The following NRG1 variants were observed in gnomAD, a reference collection of about 807,000 sequenced individuals.
NRG1 encodes the protein neuregulin 1.
A neutral mutation model predicts 63.8 loss-of-function variants in NRG1; 18 were observed. That is an observed-to-expected ratio of 0.28 (90% CI 0.19 to 0.42). The LOEUF (loss-of-function observed/expected upper bound fraction) is 0.42, where lower values mean the gene tolerates loss of function less well. Among genes scored for constraint, NRG1 ranks in the 10% least tolerant of loss-of-function variants. The probability of loss-of-function intolerance (pLI) is 1.00; values close to 1 mark genes in which losing one functional copy is unlikely to be tolerated. For synonymous variants in NRG1, 302 were observed against 301.3 expected (o/e 1.00, Z -0.02); for missense variants, 762 against 814.7 (o/e 0.94, Z 0.79).
intron 1 of NRG1, among the ~76,000 whole-genome samples, chr8:32,221,897 A>C (rs2132490442): frequency 6.6e-6 from 1 of 152,202 alleles, no homozygotes; most frequent in East Asian, 1.9e-4. Flanking sequence ...TTATATTCAA[A>C]GGATTTTATT....
chr8:32,005,585 A>C (rs114763920), intron 1 of NRG1, among the ~76,000 whole-genome samples: 3,874 of 152,092 alleles, frequency 0.025, 165 homozygotes, highest in African/African-American at 0.088. Flanking sequence ...TGAAAAAAGC[A>C]ATTTTTCACA....
At chr8:31,708,602 C>A (rs906729325) in intron 1 of NRG1, among the ~76,000 whole-genome samples, 4 of 151,338 alleles carry the variant, frequency 2.6e-5, no homozygotes, top group Non-Finnish European at 5.9e-5. Flanking sequence ...CCCGCCACTA[C>A]GCCCGGCTAA....
intron 1 of NRG1, among the ~76,000 whole-genome samples, chr8:31,942,746 C>T (rs1198676177): frequency 6.6e-6 from 1 of 151,960 alleles, no homozygotes; most frequent in Non-Finnish European, 1.5e-5. Context: ...ATAGACAATT[C>T]TCAAAAGAAG....
At chr8:32,472,076 C>T (rs928854395) in intron 1 of NRG1, among the ~76,000 whole-genome samples, 3 of 152,208 alleles carry the variant, frequency 2.0e-5, no homozygotes, top group African/African-American at 7.2e-5. Flanking sequence ...CACCACTTTA[C>T]AAAGCCACTG....
rs1411540942 is a variant in NRG1 at position 31,640,593 on chromosome 8, C to G, written c.37+1162C>G. ...CCTGCGGGAGGCTCAAGGAGGACAGCAGGTACATCTTCTTCATGGAGCCCG... is the reference window on the plus strand; with the variant it reads ...CCTGCGGGAGGCTCAAGGAGGACAGGAGGTACATCTTCTTCATGGAGCCCG... On this transcript the variant is annotated intron_variant, in intron 1 of 10. Transcript: ENST00000519301. The surrounding 1 kb of genome is among the most constrained non-coding windows in gnomAD (Gnocchi z 6.3). 1.9e-6 allele frequency: 3 copies of G among 1,612,142 alleles called. No individual in the cohort carries two copies. Among genetic ancestry groups the G allele is most frequent in the Non-Finnish European group, 2.5e-6 (3 of 1,179,626 alleles).
At chr8:31,887,325 T>G (rs141126570) in intron 1 of NRG1, among the ~76,000 whole-genome samples, 1 of 152,110 alleles carries the variant, frequency 6.6e-6, no homozygotes, top group African/African-American at 2.4e-5. Context: ...CAATAAATGC[T>G]CACTATTGTT....
intron 1 of NRG1, among the ~76,000 whole-genome samples, chr8:31,849,886 C>T (rs1341552726): frequency 6.6e-6 from 1 of 152,088 alleles, no homozygotes; most frequent in Non-Finnish European, 1.5e-5. Context: ...TCTGAGCAAT[C>T]TGTTGGGGGG....
At chr8:32,383,581 A>G (rs1207190492) in intron 1 of NRG1, among the ~76,000 whole-genome samples, 1 of 152,066 alleles carries the variant, frequency 6.6e-6, no homozygotes, top group Non-Finnish European at 1.5e-5. Context: ...CTGAGCTCCC[A>G]CCCTTTTGGA....
intron 1 of NRG1, among the ~76,000 whole-genome samples, chr8:32,506,871 C>A (rs1195559462): frequency 1.3e-5 from 2 of 151,936 alleles, no homozygotes; most frequent in Non-Finnish European, 1.5e-5. Flanking sequence ...CAGAGTGAGA[C>A]CCTGCCTCTA....
chr8:31,665,154 T>C (rs1806398526), intron 1 of NRG1, among the ~76,000 whole-genome samples: 1 of 152,120 alleles, frequency 6.6e-6, no homozygotes, highest in Non-Finnish European at 1.5e-5. Flanking sequence ...ACAGTGTGGA[T>C]ACAACACCCT....
chr8:32,129,230 C>T (rs977842871), intron 1 of NRG1, among the ~76,000 whole-genome samples: 3 of 151,922 alleles, frequency 2.0e-5, no homozygotes, highest in Non-Finnish European at 2.9e-5. Context: ...TTTCCTAGGG[C>T]TCCTATAACT....
intron 1 of NRG1, among the ~76,000 whole-genome samples, chr8:32,434,667 A>G (rs1412933427): frequency 6.6e-6 from 1 of 152,142 alleles, no homozygotes; most frequent in Non-Finnish European, 1.5e-5. Context: ...CCAAAGTAAC[A>G]ATTACTTAAT....
intron 1 of NRG1, chr8:31,639,676 GC>G: frequency 7.1e-7 from 1 of 1,399,970 alleles, no homozygotes; most frequent in Non-Finnish European, 9.2e-7. Flanking sequence ...CGGCGGCGGC[GC>G]GGGGGGTGGG....
chr8:32,444,346 C>G (rs1287275727), intron 1 of NRG1, among the ~76,000 whole-genome samples: 1 of 151,924 alleles, frequency 6.6e-6, no homozygotes, highest in Non-Finnish European at 1.5e-5. Context: ...GACTTTGTTG[C>G]CTAGGCTGGT....
intron 1 of NRG1, among the ~76,000 whole-genome samples, chr8:32,356,474 A>ACCCCCCCCCCCCCCCCCCCGGG (rs11426642): frequency 1.4e-5 from 1 of 69,324 alleles, no homozygotes; most frequent in Non-Finnish European, 2.9e-5. Context: ...CCTTGTTGGG[A>ACCCCCCCCCCCCCCCCCCCGGG]CCCCCCCCCC....
chr8:32,135,215 T>C lies in NRG1; in HGVS notation c.38-460613T>C, dbSNP rs542728398. 6.7e-4 allele frequency among the ~76,000 whole-genome samples: 102 copies of C among 152,300 alleles called. 2 individuals are homozygous for C. Among genetic ancestry groups the C allele is most frequent in the Admixed American group, 6.4e-3 (98 of 15,282 alleles). On this transcript the variant is annotated intron_variant, in intron 1 of 10. Coordinates refer to the NRG1 transcript ENST00000519301. ...CTTTATAGCCAGGCTAAGGTGTTTA[T>C]GTTTAATTCTAAATATAGCAGAATA...
chr8:32,322,117 G>A (rs923386378), intron 1 of NRG1, among the ~76,000 whole-genome samples: 1 of 151,844 alleles, frequency 6.6e-6, no homozygotes, highest in South Asian at 2.1e-4. Flanking sequence ...GTTCCAGTCT[G>A]TAGTGCACAG....
rs1589449105 is a variant in NRG1, at chr8:32,728,046, A to G, written c.600A>G (p.Lys200=). 2 of 1,614,078 alleles carry G rather than the reference A, an allele frequency of 1.2e-6. No homozygotes were observed. ...ATGGAGGGGAGTGCTTCATGGTGAAAGACCTTTCAAACCCCTCGAGATACT... is the reference window on the plus strand; with the variant it reads ...ATGGAGGGGAGTGCTTCATGGTGAAGGACCTTTCAAACCCCTCGAGATACT... The change falls in exon 6 of 12, where the codon AAA becomes AAG. Residue 200 remains lysine, a synonymous_variant. Coordinates refer to ENST00000356819, the Ensembl canonical transcript of NRG1.
intron 1 of NRG1, among the ~76,000 whole-genome samples, chr8:31,828,830 G>C (rs1250027643): frequency 6.6e-6 from 1 of 152,092 alleles, no homozygotes; most frequent in Non-Finnish European, 1.5e-5. Flanking sequence ...AGATTTCCTG[G>C]CTATCTTGCA....
Sources: gnomAD v4.1 joint callset for allele counts (sites outside exome capture counted in the v4.1 genomes callset) on GRCh38, gnomAD v4.1.1 for gene constraint, Gnocchi (gnomAD v3.1) non-coding constraint, MANE v1.5 for transcripts, NCBI Gene and HGNC (gene_info 2026-07-23, HGNC 2026-07-21) for gene names.